MMP26: variants seen among roughly 807,000 people sequenced by gnomAD.
MMP26 encodes the protein matrix metallopeptidase 26, also known as matrix metalloproteinase-26.
MMP26 carries 33 observed loss-of-function variants against 31.0 expected under a neutral mutation model. The observed-to-expected ratio is 1.06, with a 90% CI of 0.81 to 1.42. The LOEUF (loss-of-function observed/expected upper bound fraction) is 1.42. Among genes scored for constraint, MMP26 ranks in the 40% most tolerant of loss-of-function variants. The probability of loss-of-function intolerance (pLI) is 0.00; values close to 1 mark genes in which losing one functional copy is unlikely to be tolerated. For synonymous variants in MMP26, 122 were observed against 114.9 expected, an observed-to-expected ratio of 1.06 and a Z score of -0.40; for missense variants, 347 against 316.1, an observed-to-expected ratio of 1.10 and a Z score of -0.74.
intron 1 of MMP26, among the ~76,000 whole-genome samples, chr11:4,734,396 T>C (rs1848210424): frequency 6.6e-6 from 1 of 152,172 alleles, no homozygotes; most frequent in African/African-American, 2.4e-5. Context: ...TAATTTCTAA[T>C]CTAAACATTC....
At chr11:4,723,605 C>A in intron 1 of MMP26, 1 of 934,752 alleles carries the variant, frequency 1.1e-6, no homozygotes, top group Non-Finnish European at 1.8e-6. Flanking sequence ...TTGATGAGGA[C>A]AAATTCATTC....
intron 2 of MMP26, among the ~76,000 whole-genome samples, chr11:4,782,237 C>T (rs1848874322): frequency 6.6e-6 from 1 of 152,058 alleles, no homozygotes; most frequent in South Asian, 2.1e-4. Context: ...ATGGCTTTGA[C>T]AAAAATGCTG....
At chr11:4,714,906 T>TCTCTCTCTCTCC (rs796782429) in intron 1 of MMP26, among the ~76,000 whole-genome samples, 12 of 130,078 alleles carry the variant, frequency 9.2e-5, no homozygotes, top group African/African-American at 3.8e-4. Context: ...CAAATCTCTC[T>TCTCTCTCTCTCC]CTCTCTCTCT....
intron 2 of MMP26, among the ~76,000 whole-genome samples, chr11:4,816,742 T>C (rs1355579219): frequency 1.4e-5 from 2 of 147,254 alleles, no homozygotes; most frequent in East Asian, 2.0e-4. Flanking sequence ...CTCGCTCTAT[T>C]GCCCAGGCTG....
intron 2 of MMP26, among the ~76,000 whole-genome samples, chr11:4,899,940 A>G (rs952000639): frequency 6.6e-6 from 1 of 152,190 alleles, no homozygotes; most frequent in South Asian, 2.1e-4. Flanking sequence ...GGTAAGTGGG[A>G]CTACTCTTAA....
chr11:4,908,489 G>A (rs1418391446), intron 2 of MMP26: 2 of 622,352 alleles, frequency 3.2e-6, no homozygotes, highest in South Asian at 1.9e-5. Context: ...AAAGTCAAGA[G>A]ATATATAAGA....
intron 1 of MMP26, among the ~76,000 whole-genome samples, chr11:4,741,076 C>A (rs375545262): frequency 5.3e-5 from 8 of 152,018 alleles, no homozygotes; most frequent in Non-Finnish European, 1.2e-4. Flanking sequence ...TAATTCATCC[C>A]GAGTTAATTT....
intron 2 of MMP26, chr11:4,803,972 TAG>T: frequency 6.2e-7 from 1 of 1,613,438 alleles, no homozygotes; most frequent in Non-Finnish European, 8.5e-7. Flanking sequence ...GTCAGGATGC[TAG>T]AGTGTCGGAG....
At chr11:4,902,903 T>C (rs946156841) in intron 2 of MMP26, among the ~76,000 whole-genome samples, 1 of 152,060 alleles carries the variant, frequency 6.6e-6, no homozygotes, top group African/African-American at 2.4e-5. Context: ...TTGAGCCATG[T>C]TGTGTCTTTT....
intron 2 of MMP26, among the ~76,000 whole-genome samples, chr11:4,880,534 T>A (rs945830507): frequency 6.6e-6 from 1 of 152,118 alleles, no homozygotes; most frequent in African/African-American, 2.4e-5. Context: ...ACTCCCTTTC[T>A]GTGGCCATAA....
chr11:4,725,211 C>A (rs374557402), intron 1 of MMP26, among the ~76,000 whole-genome samples: 4 of 152,280 alleles, frequency 2.6e-5, no homozygotes, highest in African/African-American at 9.6e-5. Context: ...CATAATTAAA[C>A]CTCCTTCTTT....
chr11:4,777,156 C>T (rs1209036672), intron 2 of MMP26, among the ~76,000 whole-genome samples: 2 of 152,148 alleles, frequency 1.3e-5, no homozygotes, highest in African/African-American at 4.8e-5. Context: ...TTTCCTCAGA[C>T]ATGAAATGAA....
intron 2 of MMP26, among the ~76,000 whole-genome samples, chr11:4,857,948 C>A (rs1392213262): frequency 6.6e-6 from 1 of 152,150 alleles, no homozygotes; most frequent in Non-Finnish European, 1.5e-5. Flanking sequence ...CGTAATCCAT[C>A]ATATAAACAG....
chr11:4,839,777 A>G (rs1461194484), intron 2 of MMP26, among the ~76,000 whole-genome samples: 6 of 151,660 alleles, frequency 4.0e-5, no homozygotes, highest in Admixed American at 3.3e-4. Context: ...TGTGCTGGCT[A>G]TGGGGAGAGA....
chr11:4,868,924 A>T (rs1490573381), intron 2 of MMP26, among the ~76,000 whole-genome samples: 1 of 152,160 alleles, frequency 6.6e-6, no homozygotes, highest in African/African-American at 2.4e-5. Context: ...CACATCTACA[A>T]CCATCTGATC....
At chr11:4,897,806 C>T (rs958004790) in intron 2 of MMP26, among the ~76,000 whole-genome samples, 4 of 151,284 alleles carry the variant, frequency 2.6e-5, no homozygotes, top group African/African-American at 9.7e-5. Context: ...TCATATTTAT[C>T]CTGTATGTAA....
At chr11:4,753,276 A>G (rs1033852658) in intron 1 of MMP26, among the ~76,000 whole-genome samples, 1 of 152,154 alleles carries the variant, frequency 6.6e-6, no homozygotes, top group Non-Finnish European at 1.5e-5. Context: ...CTTGATTTTT[A>G]TATAAATAGA....
At chr11:4,754,619 C>T (rs544293766) in intron 1 of MMP26, among the ~76,000 whole-genome samples, 30 of 151,992 alleles carry the variant, frequency 2.0e-4, no homozygotes, top group Admixed American at 1.1e-3. Context: ...TCTCATTAAG[C>T]GTGCCCATTT....
intron 2 of MMP26, among the ~76,000 whole-genome samples, chr11:4,823,558 G>A (rs1198502504): frequency 6.6e-6 from 1 of 152,118 alleles, no homozygotes; most frequent in East Asian, 1.9e-4. Flanking sequence ...AACTAAGCCT[G>A]AGTATTTTCC....
Sources: allele counts gnomAD v4.1 joint callset (sites outside exome capture counted in the v4.1 genomes callset), GRCh38; gene constraint gnomAD v4.1.1; transcripts MANE v1.5; gene names NCBI Gene and HGNC (gene_info 2026-07-23, HGNC 2026-07-21).